SSUH2: variants seen among roughly 807,000 people sequenced by gnomAD.
SSUH2 encodes the protein ssu-2 homolog, also known as protein SSUH2 homolog.
SSUH2 carries 47 observed loss-of-function variants against 55.3 expected under a neutral mutation model. The ratio of observed to expected loss-of-function variants is 0.85; its 90% CI spans 0.67 to 1.08. The LOEUF (loss-of-function observed/expected upper bound fraction) is 1.08. Among genes scored for constraint, SSUH2 ranks in the 50% least tolerant of loss-of-function variants. The pLI, the probability that SSUH2 is intolerant of heterozygous loss-of-function variation, is 0.00. For missense variants in SSUH2, 535 were observed against 490.7 expected, an observed-to-expected ratio of 1.09 and a Z score of -0.85; for synonymous variants, 212 against 191.5, an observed-to-expected ratio of 1.11 and a Z score of -0.89.
At chr3:8,635,986 C>T (rs1322820134) in intron 1 of SSUH2, 129 bp from the exon 2 acceptor site, 2 of 713,792 alleles carry the variant, frequency 2.8e-6, no homozygotes, top group Non-Finnish European at 4.6e-6. Context: ...CTCACTCTGG[C>T]ATCCTTAGGA....
upstream of SSUH2, among the ~76,000 whole-genome samples, chr3:8,647,364 T>A (rs1289224400): frequency 1.3e-5 from 2 of 152,260 alleles, no homozygotes; most frequent in African/African-American, 2.4e-5. Context: ...GCCTTTGGAC[T>A]GAGCTCTTTG....
At chr3:8,653,052 G>C (rs1315660893) in intron 7 of SSUH2, among the ~76,000 whole-genome samples, 1 of 152,206 alleles carries the variant, frequency 6.6e-6, no homozygotes, top group African/African-American at 2.4e-5. Context: ...CTTGGAGAAA[G>C]AGAATCCACA....
Position 8,633,756 on chromosome 3 carries a change from G to C in SSUH2, c.249C>G (p.Leu83=). 6.2e-7 allele frequency: 1 copy of C among 1,610,534 alleles called. No individual in the cohort carries two copies. Among genetic ancestry groups the C allele is most frequent in the Non-Finnish European group, 8.5e-7 (1 of 1,178,066 alleles). ...AGCACTTAGAGTCCACAAAGCTGAG[G>C]AGGGCTTCCCGGGCCACCTCCTCCG... is the stretch of plus-strand genomic sequence containing the variant. ...AMTEEVAREA[L]LSFVDSKCCY... Residue 83 remains leucine (L), a synonymous_variant, in exon 4 of 12, where the codon CTC becomes CTG. Transcript: ENST00000544814.
chr3:8,675,354 G>A (rs1301405778), intron 3 of SSUH2, among the ~76,000 whole-genome samples: 2 of 152,186 alleles, frequency 1.3e-5, no homozygotes, highest in African/African-American at 2.4e-5. Flanking sequence ...TCGGGAAGGC[G>A]TTGGCTCGAG....
intron 7 of SSUH2, among the ~76,000 whole-genome samples, chr3:8,651,650 A>G (rs1486398278): frequency 6.6e-6 from 1 of 152,182 alleles, no homozygotes; most frequent in African/African-American, 2.4e-5. Context: ...AGCGATAAGT[A>G]ACATCAGACA....
chr3:8,632,628 C>T (rs999897806), intron 4 of SSUH2, among the ~76,000 whole-genome samples: 4 of 152,214 alleles, frequency 2.6e-5, no homozygotes, highest in Non-Finnish European at 5.9e-5. Flanking sequence ...CACACAGTGG[C>T]CTCTTCTTTC....
Position 8,626,237 on chromosome 3 carries a change from G to A in SSUH2, c.759C>T (p.Val253=). Reference sequence around the variant, plus strand: ...GAGACACTGCCACATACCACATGATGACAAGCTGGATGAAGTGCAACAGCT... The same window carrying A: ...GAGACACTGCCACATACCACATGATAACAAGCTGGATGAAGTGCAACAGCT... ...EKKLLHFIQL[V]IMWKNSLFEF... is the part of the protein sequence containing the mutation. Residue 253 remains valine, a synonymous_variant, in exon 9 of 12, where the codon GTC becomes GTT. Transcript: ENST00000544814. 6.2e-7 allele frequency: 1 copy of A among 1,613,784 alleles called. No individual in the cohort carries two copies. The highest frequency in any genetic ancestry group is 8.5e-7 in the Non-Finnish European group (1 of 1,179,728).
chr3:8,653,154 T>C (rs900079438), intron 7 of SSUH2, among the ~76,000 whole-genome samples: 5 of 152,164 alleles, frequency 3.3e-5, no homozygotes, highest in African/African-American at 9.7e-5. Context: ...AACTCAAACC[T>C]GGTCATCCAT....
intron 2 of SSUH2, among the ~76,000 whole-genome samples, chr3:8,679,289 GGAGCCACCCCCC>G (rs1705768851): frequency 9.4e-6 from 1 of 106,806 alleles, no homozygotes; most frequent in Non-Finnish European, 2.1e-5. Flanking sequence ...TCGGAGGGGG[GGAGCCACCCCCC>G]ATGAGGCGGG....
chr3:8,635,850 C>A lies in SSUH2; in HGVS notation c.36G>T (p.Val12=). The part of the protein sequence containing the change: ...DRDLNEDDSV[V]DLSFEAESPL... ...GACTCTCGGCCTCAAAACTGAGGTC[C>A]ACCACACCTGCAGAAAGACAAGCAT... Residue 12 remains valine, a synonymous_variant, in exon 2 of 12, where the codon GTG becomes GTT. Coordinates refer to ENST00000544814, the MANE Select transcript of SSUH2 (RefSeq NM_001256748.3). The A allele has an allele frequency of 6.5e-7, 1 of 1,535,952 alleles. No homozygotes were observed. The highest frequency in any genetic ancestry group is 8.7e-7 in the Non-Finnish European group (1 of 1,146,794).
upstream of SSUH2, among the ~76,000 whole-genome samples, chr3:8,648,619 A>G (rs114631109): frequency 0.013 from 1,970 of 151,748 alleles, 52 homozygotes; most frequent in African/African-American, 0.045. Context: ...CCAAAGCACT[A>G]CTCCCTTCTG....
At chr3:8,679,005 G>C (rs1160904616) in intron 2 of SSUH2, among the ~76,000 whole-genome samples, 3 of 108,410 alleles carry the variant, frequency 2.8e-5, no homozygotes, top group Admixed American at 9.0e-5. Flanking sequence ...TGGGGACTGA[G>C]AGCCAGCCCC....
chr3:8,624,077 A>G (rs1338840000), intron 10 of SSUH2, among the ~76,000 whole-genome samples: 1 of 152,198 alleles, frequency 6.6e-6, no homozygotes, highest in Non-Finnish European at 1.5e-5. Flanking sequence ...TGAACCACAA[A>G]TAAGCCCAGG....
intron 3 of SSUH2, among the ~76,000 whole-genome samples, chr3:8,672,745 T>A (rs1445474374): frequency 6.6e-6 from 1 of 151,902 alleles, no homozygotes; most frequent in Non-Finnish European, 1.5e-5. Context: ...ACAAAAGGGG[T>A]GTACACTTCC....
chr3:8,636,889 G>A (rs1274367771), intron 1 of SSUH2, among the ~76,000 whole-genome samples: 1 of 152,152 alleles, frequency 6.6e-6, no homozygotes, highest in African/African-American at 2.4e-5. Context: ...GTTGTGACTT[G>A]CCCAAGATCA....
Position 8,629,662 on chromosome 3 carries a change from A to ACCAGTGGTTCACAGATGACTCG in SSUH2, c.588+1_588+2insCGAGTCATCTGTGAACCACTGG. ...CTCACCAGTGGTTCACAGATGACTC[A>ACCAGTGGTTCACAGATGACTCG]CCGTGCCCGCCCCGTGGCAGCCGCT... On this transcript the variant is annotated splice_donor_variant, in intron 7 of 11. Coordinates refer to ENST00000544814, the MANE Select transcript of SSUH2 (RefSeq NM_001256748.3). LOFTEE classifies it high-confidence loss of function. 6.2e-7 allele frequency: 1 copy of ACCAGTGGTTCACAGATGACTCG among 1,614,076 alleles called. No individual in the cohort carries two copies. The highest frequency in any genetic ancestry group is 8.5e-7 in the Non-Finnish European group (1 of 1,180,012).
intron 2 of SSUH2, among the ~76,000 whole-genome samples, chr3:8,678,577 A>T (rs56046721): frequency 2.4e-5 from 2 of 82,276 alleles, no homozygotes; most frequent in Non-Finnish European, 5.0e-5. Flanking sequence ...AGAGGGGGGA[A>T]CACCCCCCGC....
intron 1 of SSUH2, among the ~76,000 whole-genome samples, chr3:8,643,691 C>T (rs1701247906): frequency 6.6e-6 from 1 of 152,182 alleles, no homozygotes; most frequent in African/African-American, 2.4e-5. Context: ...TGCAAAGAAG[C>T]TCCAGTGTCA....
intron 3 of SSUH2, among the ~76,000 whole-genome samples, chr3:8,676,500 A>T (rs1261952467): frequency 1.3e-5 from 2 of 150,786 alleles, no homozygotes; most frequent in Non-Finnish European, 2.9e-5. Flanking sequence ...TCTGCCTTGG[A>T]ATATTATTAA....
Sources: allele counts gnomAD v4.1 joint callset (sites outside exome capture counted in the v4.1 genomes callset), GRCh38; gene constraint gnomAD v4.1.1; transcripts MANE v1.5; gene names NCBI Gene and HGNC (gene_info 2026-07-23, HGNC 2026-07-21).